NDRG4: variants seen among roughly 807,000 people sequenced by gnomAD.
NDRG4 encodes the protein protein NDRG4.
In NDRG4, 38 loss-of-function variants were observed where a neutral mutation model predicts 55.8. The observed-to-expected ratio is 0.68, with a 90% CI of 0.53 to 0.89. The LOEUF is 0.89. Ranked by LOEUF, NDRG4 falls within the 40% of genes least tolerant of loss-of-function variation. NDRG4 has a pLI of 0.00. For synonymous variants in NDRG4, 190 were observed against 182.7 expected, an observed-to-expected ratio of 1.04 and a Z score of -0.32; for missense variants, 455 against 468.6, an observed-to-expected ratio of 0.97 and a Z score of 0.27.
intron 2 of NDRG4, among the ~76,000 whole-genome samples, chr16:58,491,367 C>T (rs561076218): frequency 6.6e-6 from 1 of 152,302 alleles, no homozygotes; most frequent in South Asian, 2.1e-4. Flanking sequence ...TCTCTGTCTT[C>T]AAGAGCTAGT....
In NDRG4 at chr16:58,509,182, T is replaced by C. The variant is rs2038440256; in HGVS notation, c.806T>C (p.Val269Ala). ...KMADSGGLPQ[V>A]TQPGKLTEAF... ...GCAGACTCTGGAGGGCTGCCCCAGG[T>C]CACACAGGTGAGACTTTTGGCCCTC... is the stretch of plus-strand genomic sequence containing the variant. The change falls in exon 12 of 15, where the codon GTC becomes GCC. Residue 269 changes from valine to alanine, a missense_variant. Val to Ala is a moderately conservative substitution (Grantham distance 64, BLOSUM62 0). Coordinates refer to ENST00000570248, the MANE Select transcript of NDRG4 (RefSeq NM_001242835.2). 1.2e-6 allele frequency: 2 copies of C among 1,613,960 alleles called. No homozygotes were observed. The highest frequency in any genetic ancestry group is 1.1e-5 in the South Asian group (1 of 91,080).
intron 5 of NDRG4, among the ~76,000 whole-genome samples, chr16:58,505,157 G>A (rs536479846): frequency 6.6e-5 from 10 of 152,194 alleles, no homozygotes; most frequent in Admixed American, 1.3e-4. Flanking sequence ...AGACCATCCT[G>A]GCTAACACGG....
chr16:58,511,294 A>T (rs2038771861), intron 14 of NDRG4, 128 bp from the exon 15 acceptor site: 3 of 1,088,036 alleles, frequency 2.8e-6, no homozygotes, highest in African/African-American at 3.2e-5. Flanking sequence ...CAGCCTCCTG[A>T]CTCAGGAGGA....
At chr16:58,479,499 A>G (rs772212057) in intron 1 of NDRG4, among the ~76,000 whole-genome samples, 16 of 152,208 alleles carry the variant, frequency 1.1e-4, no homozygotes, top group Non-Finnish European at 2.9e-5. Context: ...GAACTGACAG[A>G]TATTTGCATT....
intron 1 of NDRG4, among the ~76,000 whole-genome samples, chr16:58,487,107 G>T (rs2035189005): frequency 6.6e-6 from 1 of 152,156 alleles, no homozygotes; most frequent in African/African-American, 2.4e-5. Context: ...GTCTGACCCT[G>T]TGTTTGGCCT....
At chr16:58,501,998 T>C (rs945757838) in intron 1 of NDRG4, 2 of 455,962 alleles carry the variant, frequency 4.4e-6, no homozygotes, top group Non-Finnish European at 8.8e-6. Flanking sequence ...CTGAGAGAAC[T>C]CACAGGTGGC....
At chr16:58,505,177 G>A (rs534582949) in intron 5 of NDRG4, among the ~76,000 whole-genome samples, 45 of 152,068 alleles carry the variant, frequency 3.0e-4, no homozygotes, top group Admixed American at 9.8e-4. Context: ...GTGAAACCCA[G>A]TCTCTACTAA....
At chr16:58,495,111 C>A in intron 3 of NDRG4, 2 of 1,141,452 alleles carry the variant, frequency 1.8e-6, no homozygotes, top group Non-Finnish European at 2.6e-6. Context: ...TCTGTGTGCC[C>A]CCTGCCTAAC....
upstream of NDRG4, among the ~76,000 whole-genome samples, chr16:58,496,326 G>A (rs1371884825): frequency 6.6e-6 from 1 of 152,064 alleles, no homozygotes; most frequent in African/African-American, 2.4e-5. Flanking sequence ...GTGGGACCCC[G>A]GTTCTCAGGA....
intron 1 of NDRG4, among the ~76,000 whole-genome samples, chr16:58,474,973 C>G (rs917260591): frequency 6.6e-6 from 1 of 152,222 alleles, no homozygotes; most frequent in Non-Finnish European, 1.5e-5. Context: ...AGATGAATGT[C>G]ATTCCTCAAA....
downstream of NDRG4, chr16:58,515,349 T>G: frequency 3.3e-6 from 2 of 609,792 alleles, no homozygotes; most frequent in Non-Finnish European, 2.7e-6. Context: ...TCGCAGCGCG[T>G]GAGTGCAATT....
chr16:58,505,422 A>AG (rs917254319), intron 5 of NDRG4, among the ~76,000 whole-genome samples: 1 of 148,150 alleles, frequency 6.7e-6, no homozygotes, highest in African/African-American at 2.5e-5. Context: ...AAACAAGCAA[A>AG]AAAAAAAAAA....
At chr16:58,509,536 A>G in intron 13 of NDRG4, 184 bp downstream of exon 13, 1 of 641,190 alleles carries the variant, frequency 1.6e-6, no homozygotes, top group Non-Finnish European at 2.7e-6. Context: ...CCTGAGTTGC[A>G]AGTTGGCCAT....
chr16:58,487,019 T>C (rs1364261367), intron 1 of NDRG4, among the ~76,000 whole-genome samples: 1 of 137,500 alleles, frequency 7.3e-6, no homozygotes, highest in Non-Finnish European at 1.5e-5. Context: ...GCTCTGTTCC[T>C]CTCCAGTCTC....
At chr16:58,473,474 C>T (rs1327754695) in intron 1 of NDRG4, among the ~76,000 whole-genome samples, 1 of 152,168 alleles carries the variant, frequency 6.6e-6, no homozygotes, top group Non-Finnish European at 1.5e-5. Flanking sequence ...GAAGCACAAA[C>T]TCTTACATCC....
intron 13 of NDRG4, 162 bp downstream of exon 13, chr16:58,509,514 C>CAGGT: frequency 1.5e-6 from 1 of 688,126 alleles, no homozygotes; most frequent in Non-Finnish European, 2.4e-6. Flanking sequence ...ATGCTGGGCC[C>CAGGT]CACAGATGCC....
chr16:58,509,309 G>C lies in NDRG4; in HGVS notation c.822G>C (p.Lys274Asn). The C allele has an allele frequency of 6.2e-7, 1 of 1,614,074 alleles. No homozygotes were observed. The highest frequency in any genetic ancestry group is 8.5e-7 in the Non-Finnish European group (1 of 1,180,010). ...GGLPQVTQPG[K>N]LTEAFKYFLQ... is the part of the protein sequence containing the mutation. ...TGTCCTGCCCTCCGCAGCCAGGGAAGCTGACTGAAGCCTTCAAATACTTCC... is the reference window on the plus strand; with the variant it reads ...TGTCCTGCCCTCCGCAGCCAGGGAACCTGACTGAAGCCTTCAAATACTTCC... The change falls in exon 13 of 15, where the codon AAG becomes AAC. Residue 274 changes from lysine to asparagine, a missense_variant. Transcript: ENST00000570248.
chr16:58,466,896 C>T (rs2031795717), intron 1 of NDRG4, among the ~76,000 whole-genome samples: 1 of 152,214 alleles, frequency 6.6e-6, no homozygotes, highest in South Asian at 2.1e-4. Context: ...GGGACCTAGA[C>T]CCTGGTGGGC....
chr16:58,494,669 T>C (rs908169002), intron 2 of NDRG4, among the ~76,000 whole-genome samples: 9 of 151,972 alleles, frequency 5.9e-5, no homozygotes, highest in Non-Finnish European at 1.2e-4. Flanking sequence ...TTTGTTAACA[T>C]TGAGACAGAC....
Sources: gnomAD v4.1 joint callset for allele counts (sites outside exome capture counted in the v4.1 genomes callset) on GRCh38, gnomAD v4.1.1 for gene constraint, MANE v1.5 for transcripts, NCBI Gene and HGNC (gene_info 2026-07-23, HGNC 2026-07-21) for gene names.